PCDHGB2: variants seen among roughly 807,000 people sequenced by gnomAD.
PCDHGB2 encodes the protein protocadherin gamma-B2.
Under a neutral mutation model 59.3 loss-of-function variants are expected in PCDHGB2, and 55 were observed. The observed-to-expected ratio is 0.93, with a 90% confidence interval of 0.75 to 1.16. The LOEUF (loss-of-function observed/expected upper bound fraction) is 1.16. Ranked by LOEUF, PCDHGB2 falls within the 50% of genes most tolerant of loss-of-function variation. PCDHGB2 has a pLI of 0.00. For synonymous variants in PCDHGB2, 516 were observed against 512.0 expected (o/e 1.01, Z -0.11); for missense variants, 1,228 against 1,198.5 (o/e 1.02, Z -0.36).
intron 1 of PCDHGB2, chr5:141,421,662 G>C: frequency 5.6e-6 from 9 of 1,613,844 alleles, no homozygotes; most frequent in Non-Finnish European, 7.6e-6. Context: ...AAGTCAGTGA[G>C]CACGCAATTC....
At position 141,490,776 on chromosome 5, in the gene PCDHGB2, G is replaced by A. The variant is rs1234115299; in HGVS notation, c.2422-4031G>A. 4.3e-6 allele frequency: 7 copies of A among 1,614,162 alleles called. No individual in the cohort carries two copies. Among genetic ancestry groups the A allele is most frequent in the African/African-American group, 1.3e-5 (1 of 75,066 alleles). On this transcript the variant is annotated intron_variant, in intron 1 of 3. Transcript: ENST00000522605. This position sits in a 1 kb window ranked among gnomAD's most constrained non-coding sequence, Gnocchi z 5.4. ...CCTCCTTTGTGTATGTCAACCCAGA[G>A]GATGGACGGATCTTTGCCCAGCGTA...
rs756503177 is a variant in PCDHGB2 at position 141,364,980 on chromosome 5, G to A, written c.2421+2424G>A. ...GACCTCCTCCTCACAGCTTTAGATG[G>A]CGGAGACCCGGTACTCTCCGGCACC... On this transcript the variant is annotated intron_variant, in intron 1 of 3. Coordinates refer to ENST00000522605, the MANE Select transcript of PCDHGB2 (RefSeq NM_018923.3). 6 of 1,613,754 alleles carry A rather than the reference G, an allele frequency of 3.7e-6. No homozygotes were observed. The African/African-American group carries it at 4.0e-5, about 11-fold the overall frequency.
intron 1 of PCDHGB2, chr5:141,413,462 G>C (rs750915907): frequency 1.9e-6 from 3 of 1,614,120 alleles, no homozygotes; most frequent in Non-Finnish European, 2.5e-6. Flanking sequence ...AGGATAGACC[G>C]GGAGGAGCTC....
Position 141,417,931 on chromosome 5 carries a change from G to C in PCDHGB2, c.2421+55375G>C, listed in dbSNP as rs551432799. The C allele has an allele frequency of 6.2e-6, 10 of 1,611,500 alleles. No homozygotes were observed. In the South Asian group the frequency reaches 9.9e-5, roughly 16 times the overall value. On this transcript the variant is annotated intron_variant, in intron 1 of 3. Transcript: ENST00000522605. ...TACTATTTCCTTTGCTGCTGCCTTT[G>C]TTCTACCCCACGCTGTGTGAGCCGA...
chr5:141,408,240 C>T (rs1012868761), intron 1 of PCDHGB2: 89 of 1,578,820 alleles, frequency 5.6e-5, no homozygotes, highest in Non-Finnish European at 7.3e-5. Context: ...CGGGCCGGCC[C>T]GCGGCAGGTG....
intron 1 of PCDHGB2, among the ~76,000 whole-genome samples, chr5:141,450,777 G>A (rs907160074): frequency 1.3e-5 from 2 of 150,004 alleles, no homozygotes; most frequent in East Asian, 2.0e-4. Context: ...ATGAGCCACC[G>A]TGCCCGGACC....
chr5:141,376,009 A>G lies in PCDHGB2; in HGVS notation c.2421+13453A>G, dbSNP rs111388524. 32 of 1,613,224 alleles carry G rather than the reference A, an allele frequency of 2.0e-5. No homozygotes were observed. In the South Asian group the frequency reaches 3.5e-4, roughly 18 times the overall value. On this transcript the variant is annotated intron_variant, in intron 1 of 3. Transcript: ENST00000522605. ...ACAGAGACGCGCTCAAGCAGAGCCT[A>G]GTGGTGGCCGTCCAGGACCACGGCC...
intron 1 of PCDHGB2, among the ~76,000 whole-genome samples, chr5:141,449,345 T>C (rs2154562594): frequency 1.3e-5 from 2 of 151,644 alleles, no homozygotes; most frequent in South Asian, 4.2e-4. Context: ...AGTGGCTCAC[T>C]CCTGTAATCC....
chr5:141,366,025 C>T (rs1764265075), intron 1 of PCDHGB2: 1 of 1,614,128 alleles, frequency 6.2e-7, no homozygotes, highest in Non-Finnish European at 8.5e-7. Context: ...TCCTGTACCC[C>T]GCCCTCCCCA....
Position 141,491,676 on chromosome 5 carries a change from T to C in PCDHGB2, c.2422-3131T>C. On this transcript the variant is annotated intron_variant, in intron 1 of 3. Coordinates refer to ENST00000522605, the MANE Select transcript of PCDHGB2 (RefSeq NM_018923.3). The surrounding 1 kb of genome is among the most constrained non-coding windows in gnomAD (Gnocchi z 6.9). ...AGCCTGACGCCATCCGGTCCCGCTC[T>C]AATACGCTGCGGGAGCGGAGCCAGG... 3.1e-6 allele frequency: 5 copies of C among 1,613,546 alleles called. No individual in the cohort carries two copies. Among genetic ancestry groups the C allele is most frequent in the Non-Finnish European group, 4.2e-6 (5 of 1,179,848 alleles).
chr5:141,421,561 G>T (rs2096583505), intron 1 of PCDHGB2: 1 of 1,613,992 alleles, frequency 6.2e-7, no homozygotes, highest in Non-Finnish European at 8.5e-7. Context: ...ACTTCTCGTG[G>T]AAGACACCTT....
chr5:141,491,937 AC>A lies in PCDHGB2; in HGVS notation c.2422-2865del. ...CTGTGGGCGAGGGGAGGTGGGACCG[AC>A]CCCCACCCCTACACTCAAAAAAGGC... On this transcript the variant is annotated intron_variant, in intron 1 of 3. Transcript: ENST00000522605. This position sits in a 1 kb window ranked among gnomAD's most constrained non-coding sequence, Gnocchi z 6.9. The A allele has an allele frequency of 3.4e-6, 4 of 1,164,304 alleles. No homozygotes were observed. Among genetic ancestry groups the A allele is most frequent in the Non-Finnish European group, 4.7e-6 (4 of 858,404 alleles). The allele number at this position is 1,164,304 out of a possible 1,614,324, so 72.1% of individuals were successfully genotyped here.
At chr5:141,371,369 A>C (rs1370186119) in intron 1 of PCDHGB2, 3 of 1,614,014 alleles carry the variant, frequency 1.9e-6, no homozygotes, top group Non-Finnish European at 2.5e-6. Context: ...AGGATGGTGG[A>C]CATCACACTG....
intron 1 of PCDHGB2, chr5:141,388,774 G>A: frequency 3.1e-6 from 5 of 1,613,878 alleles, no homozygotes; most frequent in Non-Finnish European, 4.2e-6. Flanking sequence ...TCTAACACCG[G>A]GGAAATTACT....
intron 1 of PCDHGB2, chr5:141,384,060 A>G (rs1453253478): frequency 6.2e-7 from 1 of 1,609,266 alleles, no homozygotes; most frequent in Non-Finnish European, 8.5e-7. Context: ...GCACCATTCC[A>G]GAAAACCTAC....
intron 1 of PCDHGB2, among the ~76,000 whole-genome samples, chr5:141,473,132 T>C (rs2099314792): frequency 6.6e-6 from 1 of 152,230 alleles, no homozygotes; most frequent in Non-Finnish European, 1.5e-5. Context: ...TGGCAAACTA[T>C]ATTATCTCTT....
At position 141,476,418 on chromosome 5, in the gene PCDHGB2, T is replaced by G. The variant is rs201255025; in HGVS notation, c.2422-18389T>G. ...GATCGAGAGGAGCTGTGTGGGACAC[T>G]GCCCTCTTGCACTGTAACTCTGGAG... On this transcript the variant is annotated intron_variant, in intron 1 of 3. Transcript: ENST00000522605. This position sits in a 1 kb window ranked among gnomAD's most constrained non-coding sequence, Gnocchi z 7.6. 8 of 1,614,122 alleles carry G rather than the reference T, an allele frequency of 5.0e-6. No homozygotes were observed. The highest frequency in any genetic ancestry group is 1.6e-4 in the Middle Eastern group (1 of 6,062).
chr5:141,495,424 A>C (rs927637242), intron 2 of PCDHGB2, among the ~76,000 whole-genome samples: 1 of 152,088 alleles, frequency 6.6e-6, no homozygotes, highest in African/African-American at 2.4e-5. Context: ...CCCTCCTCCC[A>C]CTGTCCTCTG....
At chr5:141,466,965 C>A (rs1345790988) in intron 1 of PCDHGB2, among the ~76,000 whole-genome samples, 1 of 152,016 alleles carries the variant, frequency 6.6e-6, no homozygotes, top group East Asian at 1.9e-4. Context: ...CAAATATTTT[C>A]TCACAGCTCA....
Sources: gnomAD v4.1 joint callset for allele counts (sites outside exome capture counted in the v4.1 genomes callset) on GRCh38, gnomAD v4.1.1 for gene constraint, Gnocchi (gnomAD v3.1) non-coding constraint, MANE v1.5 for transcripts, NCBI Gene and HGNC (gene_info 2026-07-23, HGNC 2026-07-21) for gene names.